Variants in MAN1A1 observed in about 807,000 individuals in gnomAD.
MAN1A1 encodes the protein mannosyl-oligosaccharide 1,2-alpha-mannosidase IA.
MAN1A1 carries 29 observed loss-of-function variants against 70.8 expected under a neutral mutation model. That is an observed-to-expected ratio of 0.41 (90% CI 0.31 to 0.56). The LOEUF (loss-of-function observed/expected upper bound fraction) is 0.56. Among genes scored for constraint, MAN1A1 ranks in the 20% least tolerant of loss-of-function variants. The pLI is 0.29. For missense variants in MAN1A1, 747 were observed against 841.3 expected, an observed-to-expected ratio of 0.89 and a Z score of 1.39; for synonymous variants, 349 against 330.1, an observed-to-expected ratio of 1.06 and a Z score of -0.62.
At chr6:119,239,530 G>A (rs1774947256) in intron 6 of MAN1A1, among the ~76,000 whole-genome samples, 1 of 152,040 alleles carries the variant, frequency 6.6e-6, no homozygotes, top group Admixed American at 6.6e-5. Flanking sequence ...ATTTTATATT[G>A]ACCCTCCAAT....
intron 5 of MAN1A1, among the ~76,000 whole-genome samples, chr6:119,253,049 T>C (rs774002399): frequency 4.6e-5 from 7 of 151,918 alleles, no homozygotes; most frequent in Non-Finnish European, 1.0e-4. Context: ...AAAAAAAAAA[T>C]CGTCGTTTTG....
At chr6:119,227,549 C>T (rs1256129511) in intron 6 of MAN1A1, among the ~76,000 whole-genome samples, 2 of 152,246 alleles carry the variant, frequency 1.3e-5, no homozygotes, top group Non-Finnish European at 1.5e-5. Flanking sequence ...GTAATAATGG[C>T]TCATTGCAGC....
intron 4 of MAN1A1, among the ~76,000 whole-genome samples, chr6:119,299,607 T>TAAAG (rs1772329660): frequency 1.3e-5 from 2 of 151,698 alleles, no homozygotes; most frequent in Admixed American, 6.6e-5. Context: ...AAAATTTAAA[T>TAAAG]AAAGAAAACT....
chr6:119,349,072 C>G lies in MAN1A1; in HGVS notation c.-7G>C, dbSNP rs943148526. On this transcript the variant is annotated 5_prime_UTR_variant, in exon 2 of 13. Transcript: ENST00000368468. ...ACAGGCCCCCCACGGGCATCGCTCC[C>G]GCTGTCCAGTGGTCCGGCGCCGCGC... The G allele has an allele frequency of 3.8e-6, 5 of 1,310,804 alleles. No homozygotes were observed. Among genetic ancestry groups the G allele is most frequent in the Non-Finnish European group, 4.9e-6 (5 of 1,029,386 alleles). 81.2% of individuals were successfully genotyped at this position (1,310,804 alleles called of 1,614,324 possible). A position where few individuals can be genotyped will look rare whatever the true frequency, so the allele number is the denominator to read the frequency against.
In MAN1A1 at chr6:119,272,477, T is replaced by A. The variant is rs1470611130; in HGVS notation, c.897+18206A>T. ...CCTTTCCTAACACCTTTCAATTAGA[T>A]CCTGTAGGAATAGACAAAGTCACTG... On this transcript the variant is annotated intron_variant, in intron 5 of 12. Transcript: ENST00000368468. 3.3e-5 allele frequency among the ~76,000 whole-genome samples: 5 copies of A among 152,224 alleles called. No individual in the cohort carries two copies. The East Asian group carries it at 9.6e-4, about 29-fold the overall frequency.
chr6:119,180,185 T>C (rs1177760989), intron 12 of MAN1A1, 127 bp downstream of exon 12: 8 of 750,462 alleles, frequency 1.1e-5, no homozygotes, highest in Admixed American at 2.6e-5. Flanking sequence ...ATACCTGCAA[T>C]TATAGCCATG....
intron 2 of MAN1A1, among the ~76,000 whole-genome samples, chr6:119,313,904 A>G (rs1411715149): frequency 4.0e-5 from 6 of 150,852 alleles, no homozygotes; most frequent in Non-Finnish European, 8.9e-5. Context: ...AACGTGACAA[A>G]ACGAGAGTCA....
intron 5 of MAN1A1, among the ~76,000 whole-genome samples, chr6:119,258,514 A>G (rs1186337352): frequency 2.0e-5 from 3 of 152,292 alleles, no homozygotes; most frequent in East Asian, 3.9e-4. Context: ...GGATGTACTC[A>G]TGTTATATGC....
At chr6:119,267,774 A>G (rs908061213) in intron 5 of MAN1A1, among the ~76,000 whole-genome samples, 2 of 152,208 alleles carry the variant, frequency 1.3e-5, no homozygotes, top group Non-Finnish European at 2.9e-5. Flanking sequence ...ATTAGACACT[A>G]TAGACAGTCA....
chr6:119,197,802 G>GTTT (rs75604834), intron 8 of MAN1A1, among the ~76,000 whole-genome samples: 4,852 of 148,756 alleles, frequency 0.033, 111 homozygotes, highest in East Asian at 0.081. Flanking sequence ...TTTGTTTTTT[G>GTTT]TTTTTTTTTT....
At chr6:119,209,894 G>A (rs1773994637) in intron 6 of MAN1A1, among the ~76,000 whole-genome samples, 2 of 152,144 alleles carry the variant, frequency 1.3e-5, no homozygotes, top group Admixed American at 6.5e-5. Flanking sequence ...CTAATAGAGG[G>A]CAGCTATTTA....
chr6:119,281,966 G>A (rs1776236216), intron 5 of MAN1A1, among the ~76,000 whole-genome samples: 1 of 152,130 alleles, frequency 6.6e-6, no homozygotes, highest in Non-Finnish European at 1.5e-5. Context: ...GGAGGCTGAG[G>A]CAGGAGAATT....
chr6:119,276,979 TC>T (rs1776083180), intron 5 of MAN1A1, among the ~76,000 whole-genome samples: 1 of 152,212 alleles, frequency 6.6e-6, no homozygotes, highest in African/African-American at 2.4e-5. Flanking sequence ...TCTATGCCTA[TC>T]CTATTAAAGC....
intron 6 of MAN1A1, among the ~76,000 whole-genome samples, chr6:119,235,064 C>G (rs765473841): frequency 7.9e-5 from 12 of 152,182 alleles, no homozygotes; most frequent in Non-Finnish European, 1.6e-4. Flanking sequence ...GTGTTCTGAG[C>G]TGCTCCACTG....
chr6:119,227,631 A>G (rs1026809175), intron 6 of MAN1A1, among the ~76,000 whole-genome samples: 1 of 152,142 alleles, frequency 6.6e-6, no homozygotes, highest in Admixed American at 6.6e-5. Context: ...CACCATGAGC[A>G]GCTATTTTTA....
intron 8 of MAN1A1, among the ~76,000 whole-genome samples, chr6:119,199,458 A>C (rs888883718): frequency 6.6e-6 from 1 of 152,206 alleles, no homozygotes; most frequent in African/African-American, 2.4e-5. Flanking sequence ...ATTCAGCAGG[A>C]GTGATTTATG....
At position 119,189,877 on chromosome 6, in the gene MAN1A1, C is replaced by T. The variant is rs147835021; in HGVS notation, c.1333G>A (p.Glu445Lys). 27 of 1,611,464 alleles carry T rather than the reference C, an allele frequency of 1.7e-5. 1 individual carries two copies. In the East Asian group the frequency reaches 3.3e-4, roughly 20 times the overall value. Residue 445 changes from glutamate (E) to lysine (K), a missense_variant, in exon 10 of 13, where the codon GAG (glutamate) becomes AAG (lysine). Physicochemically the swap from Glu to Lys is moderately conservative, Grantham distance 56. Coordinates refer to ENST00000368468, the MANE Select transcript of MAN1A1 (RefSeq NM_005907.4). ...KMYFDAVQAIETHLIRKSSSG... is the reference protein window; with the variant it reads ...KMYFDAVQAIKTHLIRKSSSG... ...CTAGACTTGCGGATCAAATGAGTCT[C>T]GATAGCCTGTGAAAAACACTTATTT...
At chr6:119,287,331 T>C (rs1361269137) in intron 5 of MAN1A1, among the ~76,000 whole-genome samples, 1 of 152,144 alleles carries the variant, frequency 6.6e-6, no homozygotes, top group Admixed American at 6.6e-5. Flanking sequence ...TTCTGCTCAA[T>C]ATAGCTATTG....
chr6:119,317,430 A>G (rs1168779671), intron 2 of MAN1A1, among the ~76,000 whole-genome samples: 3 of 152,160 alleles, frequency 2.0e-5, no homozygotes, highest in Non-Finnish European at 2.9e-5. Context: ...TACTGTCTGC[A>G]TAGTTTTGTT....
Sources: gnomAD v4.1 joint callset for allele counts (sites outside exome capture counted in the v4.1 genomes callset) on GRCh38, gnomAD v4.1.1 for gene constraint, MANE v1.5 for transcripts, NCBI Gene and HGNC (gene_info 2026-07-23, HGNC 2026-07-21) for gene names.